The following TAF2 variants were observed in gnomAD, a reference collection of about 807,000 sequenced individuals.
TAF2 encodes TATA-box binding protein associated factor 2.
In TAF2, 61 loss-of-function variants were observed where a neutral mutation model predicts 138.5. The ratio of observed to expected loss-of-function variants is 0.44; its 90% CI spans 0.36 to 0.54. TAF2 has a LOEUF of 0.54. Ranked by LOEUF, TAF2 falls within the 20% of genes least tolerant of loss-of-function variation. TAF2 has a pLI of 0.00. For synonymous variants in TAF2, 475 were observed against 469.9 expected (o/e 1.01, Z -0.14); for missense variants, 1,090 against 1,427.9 (o/e 0.76, Z 3.81).
chr8:119,732,870 C>G (rs1308903983), intron 25 of TAF2, among the ~76,000 whole-genome samples: 1 of 152,116 alleles, frequency 6.6e-6, no homozygotes, highest in African/African-American at 2.4e-5. Context: ...AATTACATAA[C>G]TCACTCAATT....
chr8:119,820,973 T>C (rs1339321433), intron 2 of TAF2, among the ~76,000 whole-genome samples: 3 of 152,174 alleles, frequency 2.0e-5, no homozygotes, highest in Non-Finnish European at 4.4e-5. Context: ...TAAATGAGCT[T>C]GGATCAGCTG....
At chr8:119,830,407 C>T (rs1457679553) in intron 2 of TAF2, among the ~76,000 whole-genome samples, 2 of 152,120 alleles carry the variant, frequency 1.3e-5, no homozygotes, top group Non-Finnish European at 2.9e-5. Context: ...CTAATGCTAT[C>T]TTCATTTAGG....
At chr8:119,754,826 TA>T (rs1332072457) in intron 22 of TAF2, among the ~76,000 whole-genome samples, 2 of 152,118 alleles carry the variant, frequency 1.3e-5, no homozygotes, top group Non-Finnish European at 2.9e-5. Context: ...ATCACAGACA[TA>T]AGGCAAATTT....
chr8:119,793,388 C>A lies in TAF2; in HGVS notation c.1255G>T (p.Gly419Cys), dbSNP rs200122709. The change falls in exon 10 of 26, where the codon GGT becomes TGT. Residue 419 changes from glycine (G) to cysteine (C), a missense_variant. By Grantham distance (159) the Gly-to-Cys change is radical. Around this residue, in one of 3 missense-constraint regions of TAF2, gnomAD observed 504 missense variants for 680.9 expected, o/e 0.74. Transcript: ENST00000378164. Reference sequence around the variant, plus strand: ...TACTTATCCTTCTCTTTTCCTCCACCAAATATGGGATGTAGTAAAACCCCA... The same window carrying A: ...TACTTATCCTTCTCTTTTCCTCCACAAAATATGGGATGTAGTAAAACCCCA... ...TGGVLLHPIFGGGKEKDNPAS... is the reference protein window; with the variant it reads ...TGGVLLHPIFCGGKEKDNPAS... 111 of 1,612,878 alleles carry A rather than the reference C, an allele frequency of 6.9e-5. No homozygotes were observed. The highest frequency in any genetic ancestry group is 3.3e-4 in the Middle Eastern group (2 of 6,054).
intron 6 of TAF2, among the ~76,000 whole-genome samples, chr8:119,800,572 T>C: frequency 6.6e-6 from 1 of 152,214 alleles, no homozygotes; most frequent in Non-Finnish European, 1.5e-5. Context: ...TGAAGTCAGG[T>C]AGCATGTTTA....
intron 11 of TAF2, among the ~76,000 whole-genome samples, chr8:119,791,103 C>G (rs1488854293): frequency 6.6e-6 from 1 of 152,110 alleles, no homozygotes; most frequent in Non-Finnish European, 1.5e-5. Context: ...GCCCAGCCAC[C>G]ACATTCTAAT....
At chr8:119,812,568 T>G (rs1427870694) in intron 3 of TAF2, among the ~76,000 whole-genome samples, 3 of 152,152 alleles carry the variant, frequency 2.0e-5, no homozygotes, top group Non-Finnish European at 4.4e-5. Context: ...ATCTGATGGT[T>G]TAGATTTCAA....
intron 18 of TAF2, among the ~76,000 whole-genome samples, chr8:119,763,804 C>A (rs1032881605): frequency 6.6e-6 from 1 of 151,144 alleles, no homozygotes; most frequent in Non-Finnish European, 1.5e-5. Context: ...AAGTGAGCCA[C>A]GATTGCACCA....
chr8:119,775,472 G>A (rs1822158229), intron 18 of TAF2, among the ~76,000 whole-genome samples: 1 of 151,910 alleles, frequency 6.6e-6, no homozygotes, highest in African/African-American at 2.4e-5. Context: ...AGAGGCCGAG[G>A]CAGGCGAATC....
chr8:119,768,050 C>T (rs1325340290), intron 18 of TAF2, among the ~76,000 whole-genome samples: 3 of 152,364 alleles, frequency 2.0e-5, no homozygotes, highest in African/African-American at 7.2e-5. Flanking sequence ...CATCCCACAG[C>T]TGCCAGCCTC....
chr8:119,760,987 T>G (rs996809998), intron 19 of TAF2, among the ~76,000 whole-genome samples: 2 of 152,194 alleles, frequency 1.3e-5, no homozygotes, highest in African/African-American at 4.8e-5. Flanking sequence ...TTTAATATGT[T>G]TAGTGTAGTC....
intron 3 of TAF2, among the ~76,000 whole-genome samples, chr8:119,810,311 T>C (rs547381409): frequency 8.6e-4 from 131 of 152,336 alleles, no homozygotes; most frequent in African/African-American, 3.1e-3. Context: ...ATCCAAGTTG[T>C]TACATATATT....
chr8:119,751,899 C>A (rs1287007750), intron 22 of TAF2, among the ~76,000 whole-genome samples: 1 of 152,038 alleles, frequency 6.6e-6, no homozygotes, highest in East Asian at 1.9e-4. Flanking sequence ...TTGCAAAGAG[C>A]ATTTTTGGAA....
At chr8:119,795,653 A>C (rs752354684) in intron 8 of TAF2, 22 bp from the exon 9 acceptor site, 4 of 1,602,696 alleles carry the variant, frequency 2.5e-6, no homozygotes, top group Non-Finnish European at 3.4e-6. Context: ...GTCAAAGCAT[A>C]AATTACTTTT....
intron 17 of TAF2, among the ~76,000 whole-genome samples, chr8:119,780,086 TTCTC>T (rs796331759): frequency 9.2e-5 from 14 of 152,286 alleles, no homozygotes; most frequent in African/African-American, 3.1e-4. Context: ...GCTTCATTAG[TTCTC>T]TCTACTTCAA....
At chr8:119,735,087 G>C (rs1430300454) in intron 25 of TAF2, among the ~76,000 whole-genome samples, 1 of 152,076 alleles carries the variant, frequency 6.6e-6, no homozygotes, top group Non-Finnish European at 1.5e-5. Flanking sequence ...GCAGGTCTGA[G>C]GCACAAATCT....
At chr8:119,815,987 GTTTCT>G (rs1455107813) in intron 3 of TAF2, among the ~76,000 whole-genome samples, 1 of 151,038 alleles carries the variant, frequency 6.6e-6, no homozygotes, top group Non-Finnish European at 1.5e-5. Context: ...TTATCCAAGT[GTTTCT>G]TTTCCTTATA....
chr8:119,780,827 C>A (rs371787410), intron 17 of TAF2, among the ~76,000 whole-genome samples: 11 of 150,706 alleles, frequency 7.3e-5, no homozygotes, highest in African/African-American at 2.7e-4. Flanking sequence ...CCCAGCTACT[C>A]GGGAGGCTGA....
At position 119,764,407 on chromosome 8, in the gene TAF2, A is replaced by G. The variant is rs1032399796; in HGVS notation, c.2365-1799T>C. Among the ~76,000 whole-genome samples the G allele has an allele frequency of 6.6e-5, 10 of 152,230 alleles. No individual in the cohort carries two copies. In the East Asian group the frequency reaches 1.9e-3, roughly 29 times the overall value. On this transcript the variant is annotated intron_variant, in intron 18 of 25. Transcript: ENST00000378164. ...TTCTTTTCAAAATGAAAACACAGTG[A>G]GTCTTATGTGGTTCCACAACAATAA...
Sources: gnomAD v4.1 joint callset for allele counts (sites outside exome capture counted in the v4.1 genomes callset) on GRCh38, gnomAD v4.1.1 for gene constraint, gnomAD v4.1.1 regional missense constraint, MANE v1.5 for transcripts, NCBI Gene and HGNC (gene_info 2026-07-23, HGNC 2026-07-21) for gene names.